KCNMB2: variants seen among roughly 807,000 people sequenced by gnomAD.
KCNMB2 encodes calcium-activated potassium channel subunit beta-2.
In KCNMB2, 9 loss-of-function variants were observed where a neutral mutation model predicts 24.5. The ratio of observed to expected loss-of-function variants is 0.37; its 90% CI spans 0.22 to 0.64. KCNMB2 has a LOEUF of 0.64. Among genes scored for constraint, KCNMB2 ranks in the 30% least tolerant of loss-of-function variants. The pLI is 0.63. For synonymous variants in KCNMB2, 109 were observed against 104.4 expected (o/e 1.04, Z -0.27); for missense variants, 226 against 284.3 (o/e 0.79, Z 1.47).
intron 1 of KCNMB2, among the ~76,000 whole-genome samples, chr3:178,779,954 T>C (rs758521141): frequency 6.6e-6 from 1 of 151,316 alleles, no homozygotes; most frequent in Admixed American, 6.6e-5. Flanking sequence ...AAAAGAAATA[T>C]AGGATAAATG....
intron 1 of KCNMB2, among the ~76,000 whole-genome samples, chr3:178,698,059 G>C (rs1394544450): frequency 6.6e-6 from 1 of 152,162 alleles, no homozygotes; most frequent in African/African-American, 2.4e-5. Flanking sequence ...AGATGTTGGA[G>C]AATCATGATT....
At chr3:178,613,712 A>G (rs1718578128) in intron 1 of KCNMB2, among the ~76,000 whole-genome samples, 1 of 152,110 alleles carries the variant, frequency 6.6e-6, no homozygotes. Flanking sequence ...GCTCCATTAT[A>G]TGTTATTTGT....
chr3:178,579,437 C>A (rs765546714), intron 1 of KCNMB2, among the ~76,000 whole-genome samples: 2 of 152,014 alleles, frequency 1.3e-5, no homozygotes, highest in Admixed American at 1.3e-4. Flanking sequence ...AAAATCAAGA[C>A]CCTAAAATGA....
intron 1 of KCNMB2, among the ~76,000 whole-genome samples, chr3:178,753,870 G>A (rs961311956): frequency 2.6e-5 from 4 of 151,736 alleles, no homozygotes; most frequent in Non-Finnish European, 4.4e-5. Flanking sequence ...TCACCATGTC[G>A]TAGGATGAAT....
chr3:178,620,600 TAAG>T (rs1718874772), intron 1 of KCNMB2, among the ~76,000 whole-genome samples: 2 of 152,178 alleles, frequency 1.3e-5, no homozygotes, highest in Admixed American at 1.3e-4. Context: ...GTCTCCTTAA[TAAG>T]AACACTAAGC....
At chr3:178,809,369 G>A (rs1214475995) in intron 2 of KCNMB2, among the ~76,000 whole-genome samples, 1 of 152,136 alleles carries the variant, frequency 6.6e-6, no homozygotes, top group Non-Finnish European at 1.5e-5. Flanking sequence ...ATGAACAAAG[G>A]AATTAACATT....
At chr3:178,763,243 A>T (rs190361535) in intron 1 of KCNMB2, among the ~76,000 whole-genome samples, 1 of 152,314 alleles carries the variant, frequency 6.6e-6, no homozygotes, top group Non-Finnish European at 1.5e-5. Flanking sequence ...TGAAATGTAT[A>T]GTCATTCTTT....
At chr3:178,756,749 C>T (rs962731274) in intron 1 of KCNMB2, among the ~76,000 whole-genome samples, 1 of 152,114 alleles carries the variant, frequency 6.6e-6, no homozygotes, top group Non-Finnish European at 1.5e-5. Flanking sequence ...AGGCACATAT[C>T]AGCCAATTTC....
chr3:178,641,626 T>C (rs1719729812), intron 1 of KCNMB2, among the ~76,000 whole-genome samples: 1 of 152,152 alleles, frequency 6.6e-6, no homozygotes, highest in Non-Finnish European at 1.5e-5. Flanking sequence ...AAAGCTTTTT[T>C]TTCTTTTTCC....
chr3:178,783,055 TC>T (rs1449430628), intron 1 of KCNMB2, among the ~76,000 whole-genome samples: 1 of 150,164 alleles, frequency 6.7e-6, no homozygotes, highest in African/African-American at 2.4e-5. Flanking sequence ...GGGAATCCTT[TC>T]CCCATTGCTT....
intron 2 of KCNMB2, among the ~76,000 whole-genome samples, chr3:178,815,984 T>C (rs1039511412): frequency 4.6e-5 from 7 of 151,990 alleles, no homozygotes; most frequent in African/African-American, 1.7e-4. Context: ...TTTTTTTGTG[T>C]ATTGTTCTGA....
intron 2 of KCNMB2, among the ~76,000 whole-genome samples, chr3:178,809,999 G>A (rs565229065): frequency 6.6e-6 from 1 of 151,472 alleles, no homozygotes; most frequent in South Asian, 2.1e-4. Flanking sequence ...TTTAATGTTG[G>A]AAGTTAATTT....
At chr3:178,640,877 T>C (rs1719699770) in intron 1 of KCNMB2, among the ~76,000 whole-genome samples, 1 of 152,068 alleles carries the variant, frequency 6.6e-6, no homozygotes, top group African/African-American at 2.4e-5. Flanking sequence ...AGTAATAAGG[T>C]CTCTGGGTCT....
intron 1 of KCNMB2, among the ~76,000 whole-genome samples, chr3:178,804,293 C>A (rs1487597589): frequency 6.6e-6 from 1 of 152,164 alleles, no homozygotes; most frequent in Non-Finnish European, 1.5e-5. Flanking sequence ...AACCTCCAAG[C>A]CAGCTTCCAT....
chr3:178,566,593 A>ACT (rs10630711), intron 1 of KCNMB2, among the ~76,000 whole-genome samples: 94,558 of 151,826 alleles, frequency 0.62, 30,529 homozygotes, highest in African/African-American at 0.8. Flanking sequence ...CAAGAAAACC[A>ACT]GTTTCTCTGT....
At chr3:178,738,343 T>G (rs1723383737) in intron 1 of KCNMB2, among the ~76,000 whole-genome samples, 1 of 152,216 alleles carries the variant, frequency 6.6e-6, no homozygotes, top group South Asian at 2.1e-4. Flanking sequence ...CAACAATCTA[T>G]TCTACTCTAG....
At chr3:178,573,468 G>A (rs892244872) in intron 1 of KCNMB2, among the ~76,000 whole-genome samples, 3 of 152,016 alleles carry the variant, frequency 2.0e-5, no homozygotes, top group Admixed American at 6.6e-5. Context: ...TGTGTACAGT[G>A]GGGGCTCATG....
chr3:178,782,580 A>G (rs1458031708), intron 1 of KCNMB2, among the ~76,000 whole-genome samples: 1 of 146,322 alleles, frequency 6.8e-6, no homozygotes, highest in Non-Finnish European at 1.5e-5. Context: ...TTGGCTGCAT[A>G]AATGTCTTCT....
intron 1 of KCNMB2, among the ~76,000 whole-genome samples, chr3:178,654,220 A>C (rs949015245): frequency 6.6e-6 from 1 of 151,980 alleles, no homozygotes; most frequent in African/African-American, 2.4e-5. Flanking sequence ...ATGTATTTTC[A>C]TTTATTTTTA....
Sources: allele counts gnomAD v4.1 joint callset (sites outside exome capture counted in the v4.1 genomes callset), GRCh38; gene constraint gnomAD v4.1.1; transcripts MANE v1.5; gene names NCBI Gene and HGNC (gene_info 2026-07-23, HGNC 2026-07-21).